The following MCM6 variants were observed in gnomAD, a reference collection of about 807,000 sequenced individuals.
MCM6 encodes DNA replication licensing factor MCM6.
MCM6 carries 46 observed loss-of-function variants against 94.3 expected under a neutral mutation model. The ratio of observed to expected loss-of-function variants is 0.49; its 90% CI spans 0.39 to 0.62. The LOEUF (loss-of-function observed/expected upper bound fraction) is 0.62, where lower values mean the gene tolerates loss of function less well. MCM6 is among the 20% of genes least tolerant of loss of function. The pLI is 0.00. For synonymous variants in MCM6, 335 were observed against 351.9 expected (o/e 0.95, Z 0.54); for missense variants, 865 against 1,017.9 (o/e 0.85, Z 2.04).
chr2:135,842,388 A>G (rs1454027314), intron 16 of MCM6, among the ~76,000 whole-genome samples: 1 of 152,162 alleles, frequency 6.6e-6, no homozygotes, highest in Non-Finnish European at 1.5e-5. Flanking sequence ...GACCTCTGTA[A>G]TATTTATATA....
chr2:135,865,140 A>G lies in MCM6; in HGVS notation c.951T>C (p.Asp317=). Reference sequence around the variant, plus strand: ...TAATGCTCTCAGCTGTCTGTTCCTCATCTCTGAGCTCTTTCCCCCCAAACT... The same window carrying G: ...TAATGCTCTCAGCTGTCTGTTCCTCGTCTCTGAGCTCTTTCCCCCCAAACT... The part of the protein sequence containing the change: ...NPRFGGKELR[D]EEQTAESIKN... The change falls in exon 7 of 17, where the codon GAT becomes GAC. Residue 317 remains aspartate (D), a synonymous_variant. Transcript: ENST00000264156. 6.5e-7 allele frequency: 1 copy of G among 1,547,552 alleles called. No individual in the cohort carries two copies. The highest frequency in any genetic ancestry group is 8.7e-7 in the Non-Finnish European group (1 of 1,149,576).
At chr2:135,842,643 G>T (rs1367900119) in intron 16 of MCM6, among the ~76,000 whole-genome samples, 3 of 152,206 alleles carry the variant, frequency 2.0e-5, no homozygotes, top group Non-Finnish European at 4.4e-5. Flanking sequence ...AGAGCAGAAG[G>T]CTACTATTTT....
At chr2:135,843,570 TA>T (rs573992370) in intron 16 of MCM6, among the ~76,000 whole-genome samples, 76 of 143,272 alleles carry the variant, frequency 5.3e-4, no homozygotes, top group East Asian at 1.0e-3. Flanking sequence ...CCATCTCTAC[TA>T]AAAAAAAAAA....
chr2:135,856,901 A>G lies in MCM6; in HGVS notation c.1471-18T>C. ...AGAGTAGCCTGACCACAAAAGAAAG[A>G]ATCTTAACAGATTTAAATAGACATC... On this transcript the variant is annotated intron_variant, in intron 10 of 16. Transcript: ENST00000264156. 1 of 1,602,352 alleles carries G rather than the reference A, an allele frequency of 6.2e-7. No homozygotes were observed. Among genetic ancestry groups the G allele is most frequent in the Non-Finnish European group, 8.5e-7 (1 of 1,175,622 alleles).
rs3087351 is a variant in MCM6 at position 135,852,667 on chromosome 2, T to G, written c.1755+120A>C. 51 of 692,538 alleles carry G rather than the reference T, an allele frequency of 7.4e-5. No individual in the cohort carries two copies. The East Asian group carries it at 1.5e-3, about 20-fold the overall frequency. The allele number at this position is 692,538 out of a possible 1,614,324, so 42.9% of individuals were successfully genotyped here. On this transcript the variant is annotated intron_variant, in intron 12 of 16. Transcript: ENST00000264156. The stretch of plus-strand genomic sequence containing the variant: ...TGCTGTTCCAGAAAAAAAAAAAAAG[T>G]TGTAAAATTTAGGAACTAAGGTAGA...
chr2:135,866,002 T>G, intron 6 of MCM6, 130 bp downstream of exon 6: 152 of 1,048,416 alleles, frequency 1.4e-4, no homozygotes, highest in Non-Finnish European at 1.8e-4. Context: ...CTCAGGAGGT[T>G]GAGATGGTAG....
Position 135,846,336 on chromosome 2 carries a change from T to A in MCM6, c.2110A>T (p.Asn704Tyr), listed in dbSNP as rs1679669836. ...NGINGYNEDI[N>Y]QESAPKASLR... ...GAGGCTTTGGGAGCAGACTCTTGATTTATGTCTTCATTGTAGCCATTGATC... is the reference window on the plus strand; with the variant it reads ...GAGGCTTTGGGAGCAGACTCTTGATATATGTCTTCATTGTAGCCATTGATC... Residue 704 changes from asparagine to tyrosine, a missense_variant, in exon 15 of 17, where the codon AAT becomes TAT. Asn to Tyr is a moderately radical substitution (Grantham distance 143). Around this residue, in one of 3 missense-constraint regions of MCM6, gnomAD observed 308 missense variants for 324.5 expected, o/e 0.95. Coordinates refer to ENST00000264156, the MANE Select transcript of MCM6 (RefSeq NM_005915.6). 2.5e-6 allele frequency: 4 copies of A among 1,613,988 alleles called. No homozygotes were observed. The South Asian group carries it at 4.4e-5, about 18-fold the overall frequency.
chr2:135,870,576 C>T (rs1680181192), intron 2 of MCM6, among the ~76,000 whole-genome samples: 1 of 152,198 alleles, frequency 6.6e-6, no homozygotes, highest in Admixed American at 6.5e-5. Flanking sequence ...AAATGTCATA[C>T]CATACCTGAT....
chr2:135,867,166 T>C (rs1575366898), intron 4 of MCM6, among the ~76,000 whole-genome samples: 1 of 152,344 alleles, frequency 6.6e-6, no homozygotes, highest in East Asian at 1.9e-4. Context: ...TTTTACTATG[T>C]ATTTGAACAC....
At position 135,839,984 on chromosome 2, in the gene MCM6, T is replaced by A. The variant is rs1008061569; in HGVS notation, c.*851A>T. The stretch of plus-strand genomic sequence containing the variant: ...TTGTTAAAAGCTGCAACACAGGAAC[T>A]GCTCCACCTCATGAACATACTGATC... On this transcript the variant is annotated 3_prime_UTR_variant, in exon 17 of 17. Transcript: ENST00000264156. 7.9e-5 allele frequency: 12 copies of A among 152,214 alleles called. No individual in the cohort carries two copies. Among genetic ancestry groups the A allele is most frequent in the Admixed American group, 7.9e-4 (12 of 15,272 alleles). The allele number at this position is 152,214 out of a possible 1,614,324, so 9.4% of individuals were successfully genotyped here. A position where few individuals can be genotyped will look rare whatever the true frequency, so the allele number is the denominator to read the frequency against.
chr2:135,850,179 AC>A (rs748522205), intron 13 of MCM6, among the ~76,000 whole-genome samples: 2 of 152,080 alleles, frequency 1.3e-5, no homozygotes, highest in Non-Finnish European at 2.9e-5. Flanking sequence ...AATTCTGCAC[AC>A]CCTTCAGTGA....
intron 9 of MCM6, among the ~76,000 whole-genome samples, chr2:135,858,777 C>T (rs1211675387): frequency 1.3e-5 from 2 of 152,156 alleles, no homozygotes; most frequent in East Asian, 1.9e-4. Context: ...ACACATCTAC[C>T]GATCTAAACT....
At position 135,862,639 on chromosome 2, in the gene MCM6, A is replaced by G; in HGVS notation, c.1188T>C (p.Gly396=). ...ATTGGCTCTTAGCTGTACTTGGGTC[A>G]CCAACAATGCAAACATTTATGTCCC... is the stretch of plus-strand genomic sequence containing the variant. ...LRGDINVCIV[G]DPSTAKSQFL... The change falls in exon 8 of 17, where the codon GGT becomes GGC. Residue 396 remains glycine (G), a synonymous_variant. Transcript: ENST00000264156. 1 of 1,614,232 alleles carries G rather than the reference A, an allele frequency of 6.2e-7. No individual in the cohort carries two copies. The highest frequency in any genetic ancestry group is 8.5e-7 in the Non-Finnish European group (1 of 1,180,038).
intron 2 of MCM6, among the ~76,000 whole-genome samples, chr2:135,871,115 G>T (rs1680191160): frequency 6.6e-6 from 1 of 152,090 alleles, no homozygotes; most frequent in Admixed American, 6.6e-5. Context: ...GAACAAATTG[G>T]CAAAAATGCT....
At chr2:135,844,820 G>C in intron 15 of MCM6, 136 bp from the exon 16 acceptor site, 1 of 807,040 alleles carries the variant, frequency 1.2e-6, no homozygotes, top group Non-Finnish European at 1.8e-6. Context: ...ATCTGGTGAC[G>C]TAAGGTCCGC....
chr2:135,866,323 G>A, intron 5 of MCM6, 46 bp from the exon 6 acceptor site: 1 of 1,601,550 alleles, frequency 6.2e-7, no homozygotes, highest in South Asian at 1.1e-5. Flanking sequence ...TATTAAAGGT[G>A]CTGAACATCA....
chr2:135,865,377 A>G (rs4988178), intron 6 of MCM6, among the ~76,000 whole-genome samples: 2,751 of 152,326 alleles, frequency 0.018, 90 homozygotes, highest in African/African-American at 0.063. Context: ...TGAGTTAAAT[A>G]GAAAAAAAGC....
At chr2:135,843,154 G>A (rs1679605492) in intron 16 of MCM6, among the ~76,000 whole-genome samples, 1 of 152,072 alleles carries the variant, frequency 6.6e-6, no homozygotes, top group Non-Finnish European at 1.5e-5. Context: ...AGGGGAGAGT[G>A]GAATCAAGGA....
intron 14 of MCM6, among the ~76,000 whole-genome samples, chr2:135,847,687 C>T (rs1679697554): frequency 6.6e-6 from 1 of 150,834 alleles, no homozygotes; most frequent in Non-Finnish European, 1.5e-5. Context: ...CCTCAGCCTC[C>T]CAGGTAGCTG....
Sources: allele counts gnomAD v4.1 joint callset (sites outside exome capture counted in the v4.1 genomes callset), GRCh38; gene constraint gnomAD v4.1.1; regional missense constraint gnomAD v4.1.1; transcripts MANE v1.5; gene names NCBI Gene and HGNC (gene_info 2026-07-23, HGNC 2026-07-21).